Variants in CSMD1 observed in about 807,000 individuals in gnomAD.
CSMD1 encodes CUB and Sushi multiple domains 1.
In CSMD1, 213 loss-of-function variants were observed where a neutral mutation model predicts 417.5. That is an observed-to-expected ratio of 0.51 (90% confidence interval 0.46 to 0.57). The LOEUF is 0.57. Among genes scored for constraint, CSMD1 ranks in the 20% least tolerant of loss-of-function variants. The probability of loss-of-function intolerance (pLI) is 0.00; values close to 1 mark genes in which losing one functional copy is unlikely to be tolerated. For synonymous variants in CSMD1, 2,862 were observed against 1,736.8 expected (o/e 1.65, Z -16.11); for missense variants, 6,923 against 4,529.7 (o/e 1.53, Z -15.17).
intron 21 of CSMD1, among the ~76,000 whole-genome samples, chr8:3,357,824 T>C (rs1808892457): frequency 6.6e-6 from 1 of 152,184 alleles, no homozygotes; most frequent in South Asian, 2.1e-4. Context: ...ATAAATATTA[T>C]AACCACAAAC....
chr8:3,628,156 C>A (rs1052472597), intron 7 of CSMD1, among the ~76,000 whole-genome samples: 5 of 151,986 alleles, frequency 3.3e-5, no homozygotes, highest in Admixed American at 6.6e-5. Flanking sequence ...ACGTGTAAAC[C>A]CCCCTTTGGT....
At chr8:3,533,454 G>C (rs531811938) in intron 10 of CSMD1, among the ~76,000 whole-genome samples, 3 of 152,074 alleles carry the variant, frequency 2.0e-5, no homozygotes, top group Non-Finnish European at 4.4e-5. Flanking sequence ...AACTCCTTTA[G>C]ATTCCTCATG....
intron 5 of CSMD1, among the ~76,000 whole-genome samples, chr8:3,896,270 A>G (rs997541884): frequency 6.6e-6 from 1 of 152,190 alleles, no homozygotes; most frequent in East Asian, 1.9e-4. Flanking sequence ...CAGAACTTGT[A>G]TCTGTCTATG....
intron 5 of CSMD1, among the ~76,000 whole-genome samples, chr8:3,948,587 A>C (rs1381184996): frequency 6.6e-6 from 1 of 152,132 alleles, no homozygotes; most frequent in Non-Finnish European, 1.5e-5. Flanking sequence ...CTCATGATAA[A>C]CGATGAACGT....
chr8:4,635,670 T>G (rs1802776042), intron 2 of CSMD1, among the ~76,000 whole-genome samples: 1 of 152,148 alleles, frequency 6.6e-6, no homozygotes, highest in African/African-American at 2.4e-5. Flanking sequence ...CAGTTTTTAT[T>G]ACCATTATAA....
chr8:3,497,955 T>C (rs1796436515), intron 10 of CSMD1, among the ~76,000 whole-genome samples: 1 of 152,194 alleles, frequency 6.6e-6, no homozygotes, highest in Non-Finnish European at 1.5e-5. Flanking sequence ...GATGAAGGGC[T>C]CCCATAAGCA....
At chr8:3,517,217 T>A (rs941045463) in intron 10 of CSMD1, among the ~76,000 whole-genome samples, 1 of 152,242 alleles carries the variant, frequency 6.6e-6, no homozygotes, top group African/African-American at 2.4e-5. Context: ...GAATTGCCAG[T>A]AGAATTAATA....
At chr8:4,014,560 G>A (rs562453302) in intron 4 of CSMD1, among the ~76,000 whole-genome samples, 2 of 152,138 alleles carry the variant, frequency 1.3e-5, no homozygotes, top group East Asian at 3.9e-4. Flanking sequence ...TTGGTATTAA[G>A]CACCTGGATC....
chr8:3,874,620 G>T (rs1273542890), intron 5 of CSMD1, among the ~76,000 whole-genome samples: 7 of 152,116 alleles, frequency 4.6e-5, no homozygotes, highest in Non-Finnish European at 1.5e-5. Context: ...AGTCTCACAT[G>T]TGGAATATGT....
intron 3 of CSMD1, among the ~76,000 whole-genome samples, chr8:4,345,580 A>G (rs1464759377): frequency 2.0e-5 from 3 of 152,116 alleles, no homozygotes; most frequent in Non-Finnish European, 4.4e-5. Context: ...ACTAATATCT[A>G]AAATATATGA....
chr8:4,570,724 G>T (rs955799655), intron 2 of CSMD1, among the ~76,000 whole-genome samples: 8 of 152,166 alleles, frequency 5.3e-5, no homozygotes, highest in Admixed American at 2.6e-4. Context: ...AATGGTACAA[G>T]CTCCTCTTTG....
Position 3,521,571 on chromosome 8 carries a change from A to G in CSMD1, c.1345-27845T>C, listed in dbSNP as rs552770320. ...CATAAGTTACTCCCAAGTTGGATCTATTACTGACCATCATTGCTCCTTCTT... is the reference window on the plus strand; with the variant it reads ...CATAAGTTACTCCCAAGTTGGATCTGTTACTGACCATCATTGCTCCTTCTT... On this transcript the variant is annotated intron_variant, in intron 10 of 69. Coordinates refer to ENST00000635120, the MANE Select transcript of CSMD1 (RefSeq NM_033225.6). Among the ~76,000 whole-genome samples, 48 of 152,268 alleles carry G rather than the reference A, an allele frequency of 3.2e-4. 1 individual carries two copies. The highest frequency in any genetic ancestry group is 1.1e-3 in the African/African-American group (46 of 41,552).
intron 46 of CSMD1, among the ~76,000 whole-genome samples, chr8:3,101,477 C>T (rs971712441): frequency 9.2e-5 from 14 of 152,160 alleles, no homozygotes; most frequent in Admixed American, 6.5e-5. Context: ...GGCTGGAGTG[C>T]AATGACACGA....
At chr8:3,920,003 C>A (rs1584965426) in intron 5 of CSMD1, among the ~76,000 whole-genome samples, 1 of 151,024 alleles carries the variant, frequency 6.6e-6, no homozygotes, top group Admixed American at 6.6e-5. Context: ...TTTTTTTTTA[C>A]TTTAGGATTT....
intron 2 of CSMD1, among the ~76,000 whole-genome samples, chr8:4,476,135 TAA>T (rs1284702200): frequency 3.9e-5 from 6 of 152,054 alleles, no homozygotes; most frequent in Admixed American, 3.3e-4. Context: ...CATTAACTAT[TAA>T]AAGTCTCTTG....
chr8:3,215,387 C>T (rs920429241), intron 29 of CSMD1, among the ~76,000 whole-genome samples: 11 of 152,218 alleles, frequency 7.2e-5, no homozygotes, highest in Non-Finnish European at 1.6e-4. Flanking sequence ...AAAATAATTG[C>T]TGAAATTTAT....
chr8:3,723,300 A>C (rs1384954717), intron 6 of CSMD1, among the ~76,000 whole-genome samples: 1 of 152,280 alleles, frequency 6.6e-6, no homozygotes, highest in Non-Finnish European at 1.5e-5. Context: ...ACCTCTTCTC[A>C]GGAAAAAGTC....
At chr8:4,747,551 T>A (rs537214700) in intron 1 of CSMD1, among the ~76,000 whole-genome samples, 10 of 152,324 alleles carry the variant, frequency 6.6e-5, no homozygotes, top group Middle Eastern at 3.4e-3. Flanking sequence ...TAATTTATGA[T>A]CCTCCTACGG....
At chr8:4,032,832 C>T (rs1334111501) in intron 3 of CSMD1, among the ~76,000 whole-genome samples, 1 of 152,136 alleles carries the variant, frequency 6.6e-6, no homozygotes, top group Non-Finnish European at 1.5e-5. Context: ...ATGGACACAT[C>T]CTCTCAGCCA....
Sources: gnomAD v4.1 joint callset for allele counts (sites outside exome capture counted in the v4.1 genomes callset) on GRCh38, gnomAD v4.1.1 for gene constraint, MANE v1.5 for transcripts, NCBI Gene and HGNC (gene_info 2026-07-23, HGNC 2026-07-21) for gene names.